PARD3: variants seen among roughly 807,000 people sequenced by gnomAD.
PARD3 encodes the protein partitioning defective 3 homolog.
PARD3 carries 75 observed loss-of-function variants against 155.4 expected under a neutral mutation model. The ratio of observed to expected loss-of-function variants is 0.48; its 90% CI spans 0.40 to 0.58. PARD3 has a LOEUF of 0.58. Among genes scored for constraint, PARD3 ranks in the 20% least tolerant of loss-of-function variants. PARD3 has a pLI of 0.00. For synonymous variants in PARD3, 576 were observed against 610.5 expected (o/e 0.94, Z 0.83); for missense variants, 1,642 against 1,721.7 (o/e 0.95, Z 0.82).
At chr10:34,582,068 T>C (rs1456415872) in intron 2 of PARD3, among the ~76,000 whole-genome samples, 1 of 152,212 alleles carries the variant, frequency 6.6e-6, no homozygotes, top group Non-Finnish European at 1.5e-5. Context: ...GGCAGAAACA[T>C]AAAGACTTGC....
chr10:34,359,404 A>G, intron 13 of PARD3, 87 bp from the exon 14 acceptor site: 3 of 1,013,306 alleles, frequency 3.0e-6, no homozygotes, highest in Non-Finnish European at 4.3e-6. Context: ...AATAAAATAA[A>G]AACAAAGCAA....
At chr10:34,244,416 A>G (rs61840223) in intron 22 of PARD3, among the ~76,000 whole-genome samples, 10,317 of 152,270 alleles carry the variant, frequency 0.068, 477 homozygotes, top group Non-Finnish European at 0.096. Flanking sequence ...AGACGAACAG[A>G]GATACTGAAG....
At chr10:34,705,289 A>AC (rs752424346) in intron 1 of PARD3, among the ~76,000 whole-genome samples, 10 of 151,950 alleles carry the variant, frequency 6.6e-5, no homozygotes, top group Non-Finnish European at 1.2e-4. Flanking sequence ...ATGTAGGGGG[A>AC]CCCCATCTCA....
rs769298670 is a variant in PARD3, at chr10:34,331,358, A to G, written c.2606-14T>C. On this transcript the variant is annotated splice_polypyrimidine_tract_variant and intron_variant, in intron 18 of 24. Transcript: ENST00000374788. ...TGCTGGGAGAACCTGGGAGGTTTAC[A>G]AGAAAAAAAATGTTAGTGTGAATTA... The G allele has an allele frequency of 6.3e-7, 1 of 1,581,366 alleles. No individual in the cohort carries two copies. The highest frequency in any genetic ancestry group is 1.3e-5 in the African/African-American group (1 of 74,256).
chr10:34,269,396 G>C (rs1955502198), intron 22 of PARD3, among the ~76,000 whole-genome samples: 1 of 152,144 alleles, frequency 6.6e-6, no homozygotes, highest in Non-Finnish European at 1.5e-5. Flanking sequence ...TTATAAAGTA[G>C]AGGTTGGTTC....
rs763377073 is a variant in PARD3 at position 34,131,566 on chromosome 10, C to G, written c.3437G>C (p.Ser1146Thr). 4 of 1,613,750 alleles carry G rather than the reference C, an allele frequency of 2.5e-6. No individual in the cohort carries two copies. The Admixed American group carries it at 6.7e-5, about 27-fold the overall frequency. The change falls in exon 23 of 25, where the codon AGC becomes ACC. Residue 1146 changes from serine to threonine, a missense_variant. Physicochemically the swap from Ser to Thr is moderately conservative, Grantham distance 58. Transcript: ENST00000374788. The part of the protein sequence containing the change: ...SPVDSNRSTP[S>T]NHDRIQRLRQ... Reference sequence around the variant, plus strand: ...CAGACGCTGTATCCGATCATGATTGCTAGGAGTTGATCTGTTACTGAAAGA... The same window carrying G: ...CAGACGCTGTATCCGATCATGATTGGTAGGAGTTGATCTGTTACTGAAAGA...
At chr10:34,678,040 A>T (rs1359495533) in intron 2 of PARD3, among the ~76,000 whole-genome samples, 9 of 152,180 alleles carry the variant, frequency 5.9e-5, no homozygotes, top group Admixed American at 3.9e-4. Flanking sequence ...AATTCTTTTT[A>T]AAAAATGTTT....
intron 1 of PARD3, among the ~76,000 whole-genome samples, chr10:34,760,921 T>C (rs759096217): frequency 3.3e-5 from 5 of 152,180 alleles, no homozygotes; most frequent in Non-Finnish European, 7.3e-5. Flanking sequence ...TCAGTAAATG[T>C]CTGTTTTTTA....
intron 22 of PARD3, among the ~76,000 whole-genome samples, chr10:34,168,685 C>T (rs1381935485): frequency 6.6e-6 from 1 of 152,212 alleles, no homozygotes; most frequent in African/African-American, 2.4e-5. Flanking sequence ...TAATCAACAG[C>T]TGTGTCCTGA....
At chr10:34,643,562 T>C (rs978570502) in intron 2 of PARD3, among the ~76,000 whole-genome samples, 7 of 152,236 alleles carry the variant, frequency 4.6e-5, no homozygotes, top group African/African-American at 1.7e-4. Flanking sequence ...TATATTACCA[T>C]AGAGAATTCC....
At chr10:34,318,256 A>C (rs1412769077) in intron 19 of PARD3, among the ~76,000 whole-genome samples, 1 of 152,216 alleles carries the variant, frequency 6.6e-6, no homozygotes, top group Non-Finnish European at 1.5e-5. Flanking sequence ...AGAAGCAGAG[A>C]GACACGTATG....
At chr10:34,204,365 G>A (rs932292865) in intron 22 of PARD3, among the ~76,000 whole-genome samples, 11 of 152,198 alleles carry the variant, frequency 7.2e-5, no homozygotes, top group Non-Finnish European at 1.3e-4. Context: ...ATGGTCCAGT[G>A]GTGGCAGGCT....
intron 1 of PARD3, among the ~76,000 whole-genome samples, chr10:34,754,345 A>T (rs1836442439): frequency 6.6e-6 from 1 of 152,202 alleles, no homozygotes; most frequent in Non-Finnish European, 1.5e-5. Flanking sequence ...ATTGAGAAAC[A>T]TACAAGCATC....
At chr10:34,370,426 CAT>C (rs1840466900) in intron 12 of PARD3, among the ~76,000 whole-genome samples, 1 of 152,032 alleles carries the variant, frequency 6.6e-6, no homozygotes, top group African/African-American at 2.4e-5. Flanking sequence ...CGACTGACTA[CAT>C]GTTTTTTATT....
chr10:34,129,849 T>C (rs1391048719), intron 23 of PARD3, among the ~76,000 whole-genome samples: 1 of 150,104 alleles, frequency 6.7e-6, no homozygotes, highest in Non-Finnish European at 1.5e-5. Flanking sequence ...TTTTTTTTTT[T>C]TGTAGAGATG....
intron 20 of PARD3, among the ~76,000 whole-genome samples, chr10:34,301,380 C>T (rs1379443409): frequency 6.6e-6 from 1 of 152,184 alleles, no homozygotes; most frequent in Admixed American, 6.5e-5. Context: ...GCTTTAATGG[C>T]TTTAGTGACT....
intron 22 of PARD3, among the ~76,000 whole-genome samples, chr10:34,143,893 A>AT (rs1588916583): frequency 3.3e-5 from 5 of 152,066 alleles, no homozygotes; most frequent in African/African-American, 7.2e-5. Context: ...TTCCTGATTG[A>AT]TTTTTTTACT....
At chr10:34,147,991 C>G (rs1251530303) in intron 22 of PARD3, among the ~76,000 whole-genome samples, 2 of 152,110 alleles carry the variant, frequency 1.3e-5, no homozygotes, top group Non-Finnish European at 2.9e-5. Context: ...GGAACACTGC[C>G]TTGCCTGTAT....
chr10:34,223,535 A>AG (rs1193938960), intron 22 of PARD3, among the ~76,000 whole-genome samples: 2 of 152,224 alleles, frequency 1.3e-5, no homozygotes, highest in Admixed American at 1.3e-4. Flanking sequence ...ACGTGGGGGA[A>AG]GGCGAACAGG....
Sources: allele counts gnomAD v4.1 joint callset (sites outside exome capture counted in the v4.1 genomes callset), GRCh38; gene constraint gnomAD v4.1.1; transcripts MANE v1.5; gene names NCBI Gene and HGNC (gene_info 2026-07-23, HGNC 2026-07-21).